The following SPATA31C2 variants were observed in gnomAD, a reference collection of about 807,000 sequenced individuals.
SPATA31C2 encodes the protein SPATA31 subfamily C member 2.
A neutral mutation model predicts 11.4 loss-of-function variants in SPATA31C2; 5 were observed. The ratio of observed to expected loss-of-function variants is 0.44; its 90% CI spans 0.23 to 0.92. The LOEUF is 0.92. Among genes scored for constraint, SPATA31C2 ranks in the 40% least tolerant of loss-of-function variants. The pLI is 0.24. For synonymous variants in SPATA31C2, 515 were observed against 538.7 expected (o/e 0.96, Z 0.61); for missense variants, 1,353 against 1,368.6 (o/e 0.99, Z 0.18).
At position 88,131,810 on chromosome 9, in the gene SPATA31C2, C is replaced by G; in HGVS notation, c.1227G>C (p.Gly409=). ...RPLLKKQLEG[G]LALPSRVQKS... is the part of the protein sequence containing the mutation. ...TTTGGACCCTAGAGGGTAAAGCCAA[C>G]CCACCTTCTAGTTGTTTCTTCAACA... Residue 409 remains glycine (G), a synonymous_variant, in exon 4 of 4, where the codon GGG becomes GGC. Transcript: ENST00000324915. 5.6e-6 allele frequency: 9 copies of G among 1,611,612 alleles called. No homozygotes were observed. The highest frequency in any genetic ancestry group is 7.6e-6 in the Non-Finnish European group (9 of 1,179,604).
At chr9:88,134,173 GCA>G (rs1204586769) in intron 1 of SPATA31C2, among the ~76,000 whole-genome samples, 2 of 146,394 alleles carry the variant, frequency 1.4e-5, no homozygotes, top group African/African-American at 5.0e-5. Flanking sequence ...AAACACACAC[GCA>G]CACACACAGG....
chr9:88,133,168 G>C (rs1190308319), intron 2 of SPATA31C2, 142 bp from the exon 3 acceptor site: 1 of 633,934 alleles, frequency 1.6e-6, no homozygotes, highest in Non-Finnish European at 2.2e-6. Context: ...TGGCCCCGAC[G>C]GTAATAGCAA....
chr9:88,132,575 A>G lies in SPATA31C2; in HGVS notation c.462T>C (p.Ile154=), dbSNP rs1825619419. The part of the protein sequence containing the change: ...SHEPTEDAAP[I]VSPLASPDPR... Reference sequence around the variant, plus strand: ...GATCCGGGGAAGCTAACGGGGAGACAATGGGAGCAGCGTCTTCCGTAGGCT... The same window carrying G: ...GATCCGGGGAAGCTAACGGGGAGACGATGGGAGCAGCGTCTTCCGTAGGCT... The change falls in exon 4 of 4, where the codon ATT becomes ATC. Residue 154 remains isoleucine, a synonymous_variant. Coordinates refer to ENST00000324915, the MANE Select transcript of SPATA31C2 (RefSeq NM_001350978.3). The G allele has an allele frequency of 2.5e-6, 4 of 1,610,388 alleles. No homozygotes were observed. Among genetic ancestry groups the G allele is most frequent in the Non-Finnish European group, 3.4e-6 (4 of 1,177,740 alleles).
rs1368688254 is a variant in SPATA31C2 at position 88,131,244 on chromosome 9, C to T, written c.1793G>A (p.Arg598Gln). ...NEGLIPVSVRRSWLAVNQAFP... is the reference protein window; with the variant it reads ...NEGLIPVSVRQSWLAVNQAFP... ...AGCCTGGTTGACAGCAAGCCAGGAT[C>T]GACGCACACTCACGGGGATCAAGCC... is the stretch of plus-strand genomic sequence containing the variant. The change falls in exon 4 of 4, where the codon CGA becomes CAA. Residue 598 changes from arginine to glutamine, a missense_variant. Physicochemically the swap from Arg to Gln is conservative, Grantham distance 43. Around this residue, in one of 6 missense-constraint regions of SPATA31C2, gnomAD observed 1,075 missense variants for 992.8 expected, o/e 1.08. Coordinates refer to ENST00000324915, the MANE Select transcript of SPATA31C2 (RefSeq NM_001350978.3). The T allele has an allele frequency of 3.7e-6, 6 of 1,611,726 alleles. No individual in the cohort carries two copies. The highest frequency in any genetic ancestry group is 2.7e-5 in the African/African-American group (2 of 74,860).
chr9:88,131,865 A>T lies in SPATA31C2; in HGVS notation c.1172T>A (p.Leu391Gln). ...ASQNKVQALS[L>Q]PETQHPERPL... ...CCTTTCAGGGTGCTGAGTTTCAGGT[A>T]GGGAGAGAGCTTGCACTTTATTCTG... Residue 391 changes from leucine to glutamine, a missense_variant, in exon 4 of 4, where the codon CTA (leucine) becomes CAA (glutamine). By Grantham distance (113) the Leu-to-Gln change is moderately radical (BLOSUM62 -2). This residue lies in a region of SPATA31C2 where 1,075 missense variants were observed against 992.8 expected (regional missense o/e 1.08). Transcript: ENST00000324915. 4 of 1,610,958 alleles carry T rather than the reference A, an allele frequency of 2.5e-6. No individual in the cohort carries two copies. The highest frequency in any genetic ancestry group is 3.4e-6 in the Non-Finnish European group (4 of 1,179,092).
chr9:88,133,710 C>T lies in SPATA31C2; in HGVS notation c.190-41G>A, dbSNP rs1296636707. 73 of 1,523,936 alleles carry T rather than the reference C, an allele frequency of 4.8e-5. 1 individual carries two copies. Among genetic ancestry groups the T allele is most frequent in the Non-Finnish European group, 6.4e-5 (72 of 1,119,730 alleles). 94.4% of individuals were successfully genotyped at this position (1,523,936 alleles called of 1,614,324 possible). On this transcript the variant is annotated intron_variant, in intron 1 of 3. Transcript: ENST00000324915. The stretch of plus-strand genomic sequence containing the variant: ...TGGCGAGGAGCTAGGACCGGCTCTC[C>T]CTCTCTGCCCCCAGCCCAGCCGCAG...
At position 88,130,980 on chromosome 9, in the gene SPATA31C2, G is replaced by C. The variant is rs1201376759; in HGVS notation, c.2057C>G (p.Ala686Gly). 5.0e-6 allele frequency: 8 copies of C among 1,612,696 alleles called. No individual in the cohort carries two copies. Among genetic ancestry groups the C allele is most frequent in the Non-Finnish European group, 6.8e-6 (8 of 1,179,880 alleles). Residue 686 changes from alanine to glycine, a missense_variant, in exon 4 of 4, where the codon GCT (alanine) becomes GGT (glycine). Physicochemically the swap from Ala to Gly is moderately conservative, Grantham distance 60 (BLOSUM62 0). This residue lies in a region of SPATA31C2 where 1,075 missense variants were observed against 992.8 expected (regional missense o/e 1.08). Coordinates refer to ENST00000324915, the MANE Select transcript of SPATA31C2 (RefSeq NM_001350978.3). ...TTCGCAGGTGTCTGAGGAGGGACCA[G>C]CAAGCTGTATAAGGGACAAGGATGA... ...KVSSLSLIQL[A>G]GPSSDTCESG...
In SPATA31C2 at chr9:88,132,032, G is replaced by A. The variant is rs750208713; in HGVS notation, c.1005C>T (p.Pro335=). Residue 335 remains proline (P), a synonymous_variant, in exon 4 of 4, where the codon CCC becomes CCT. Coordinates refer to ENST00000324915, the MANE Select transcript of SPATA31C2 (RefSeq NM_001350978.3). ...AGAATTGGGGTGTGGATGAAATAAA[G>A]GGTTGGGACTCAGGCTCCAGATGGG... ...PLSHLEPESQ[P]FISSTPQFWP... is the part of the protein sequence containing the mutation. 1.2e-6 allele frequency: 2 copies of A among 1,610,842 alleles called. No individual in the cohort carries two copies. The highest frequency in any genetic ancestry group is 1.7e-5 in the Admixed American group (1 of 59,820).
At chr9:88,137,321 T>C (rs1825694487) in intron 1 of SPATA31C2, among the ~76,000 whole-genome samples, 1 of 138,354 alleles carries the variant, frequency 7.2e-6, no homozygotes, top group African/African-American at 2.7e-5. Context: ...ACCTCATGTC[T>C]TTATTAAAAA....
In SPATA31C2 at chr9:88,130,734, C is replaced by T. The variant is rs755917934; in HGVS notation, c.2303G>A (p.Trp768Ter). The change falls in exon 4 of 4, where the codon TGG (tryptophan) becomes TAG (stop). Residue 768 changes from tryptophan to a stop codon, truncating the protein, a stop_gained. Transcript: ENST00000324915. LOFTEE classifies it low-confidence loss of function (END_TRUNC). ...KAPTAGQEGRWPSKPLTYSLT... is the reference protein window; with the variant it reads ...KAPTAGQEGR Reference sequence around the variant, plus strand: ...GCTGTATGTGAGGGGCTTAGATGGCCACCTGCCCTCCTGTCCAGCTGTAGG... The same window carrying T: ...GCTGTATGTGAGGGGCTTAGATGGCTACCTGCCCTCCTGTCCAGCTGTAGG... 6.8e-6 allele frequency: 11 copies of T among 1,613,486 alleles called. No homozygotes were observed. Among genetic ancestry groups the T allele is most frequent in the African/African-American group, 1.3e-5 (1 of 74,918 alleles).
In SPATA31C2 at chr9:88,132,920, G is replaced by A. The variant is rs749635156; in HGVS notation, c.326+46C>T. ...AGGCTGCCTGTGGCCCTGGGGTCAC[G>A]TCCCAGCCCTGGTAGGAAGGACGCA... is the stretch of plus-strand genomic sequence containing the variant. On this transcript the variant is annotated intron_variant, in intron 3 of 3. Transcript: ENST00000324915. 12 of 1,340,488 alleles carry A rather than the reference G, an allele frequency of 9.0e-6. 3 individuals carry two copies. Among genetic ancestry groups the A allele is most frequent in the Admixed American group, 4.9e-5 (2 of 41,090 alleles). The allele number at this position is 1,340,488 out of a possible 1,614,324, so 83.0% of individuals were successfully genotyped here.
rs751911384 is a variant in SPATA31C2, at chr9:88,132,343, G to C, written c.694C>G (p.Pro232Ala). 6 of 1,610,928 alleles carry C rather than the reference G, an allele frequency of 3.7e-6. No homozygotes were observed. In the African/African-American group the frequency reaches 6.7e-5, roughly 18 times the overall value. Reference sequence around the variant, plus strand: ...AGAGTGGAGTCCCGCAGGGGAGGAGGAGTGAAGCCTTTCGGAGGAGGCGGA... The same window carrying C: ...AGAGTGGAGTCCCGCAGGGGAGGAGCAGTGAAGCCTTTCGGAGGAGGCGGA... The part of the protein sequence containing the change: ...CSPPPPKGFT[P>A]PPLRDSTLLT... Residue 232 changes from proline (P) to alanine (A), a missense_variant, in exon 4 of 4, where the codon CCT (proline) becomes GCT (alanine). Physicochemically the swap from Pro to Ala is conservative, Grantham distance 27 (BLOSUM62 -1). This residue lies in a region of SPATA31C2 where 1,075 missense variants were observed against 992.8 expected (regional missense o/e 1.08). Transcript: ENST00000324915.
chr9:88,132,222 C>T lies in SPATA31C2; in HGVS notation c.815G>A (p.Gly272Asp). The change falls in exon 4 of 4, where the codon GGC (glycine) becomes GAC (aspartate). Residue 272 changes from glycine to aspartate, a missense_variant. Physicochemically the swap from Gly to Asp is moderately conservative, Grantham distance 94. Transcript: ENST00000324915. Reference sequence around the variant, plus strand: ...GTTTGAGCCGCCAAGGCCTGAGATGCCTGGGACAGAAGCCGCCAAATCCTC... The same window carrying T: ...GTTTGAGCCGCCAAGGCCTGAGATGTCTGGGACAGAAGCCGCCAAATCCTC... ...PREDLAASVP[G>D]ISGLGGSNSQ... is the part of the protein sequence containing the mutation. 2 of 1,610,002 alleles carry T rather than the reference C, an allele frequency of 1.2e-6. No individual in the cohort carries two copies. Among genetic ancestry groups the T allele is most frequent in the Non-Finnish European group, 1.7e-6 (2 of 1,177,582 alleles).
rs763655066 is a variant in SPATA31C2, at chr9:88,129,707, A to G, written c.3330T>C (p.Tyr1110=). 2 of 1,603,488 alleles carry G rather than the reference A, an allele frequency of 1.2e-6. No individual in the cohort carries two copies. Among genetic ancestry groups the G allele is most frequent in the East Asian group, 2.2e-5 (1 of 44,512 alleles). The part of the protein sequence containing the change: ...FYSEHSRMLS[Y]AASSQQATLK... The stretch of plus-strand genomic sequence containing the variant: ...GAGTGGCTTGTTGACTGCTGGCTGC[A>G]TAGCTCAGCATTCTGCTGTGTTCTG... Residue 1110 remains tyrosine, a synonymous_variant, in exon 4 of 4, where the codon TAT becomes TAC. Transcript: ENST00000324915.
rs1563964873 is a variant in SPATA31C2 at position 88,137,989 on chromosome 9, G to GAGACCTCCCCCGTC, written c.189+268_189+269insGACGGGGGAGGTCT. On this transcript the variant is annotated intron_variant, in intron 1 of 3. Coordinates refer to ENST00000324915, the MANE Select transcript of SPATA31C2 (RefSeq NM_001350978.3). ...AGAGACCTCCCCCGTCTCATGACCG[G>GAGACCTCCCCCGTC]TCCTGGCCGCTGAGCCCACGGGTTT... 2.4e-4 allele frequency among the ~76,000 whole-genome samples: 26 copies of GAGACCTCCCCCGTC among 107,972 alleles called. No homozygotes were observed. In the East Asian group the frequency reaches 6.0e-3, roughly 25 times the overall value. The allele number at this position is 107,972 out of a possible 152,430, so 70.8% of individuals were successfully genotyped here.
Position 88,131,378 on chromosome 9 carries a change from C to T in SPATA31C2, c.1659G>A (p.Lys553=), listed in dbSNP as rs1471076893. The T allele has an allele frequency of 1.9e-6, 3 of 1,611,888 alleles. No individual in the cohort carries two copies. The African/African-American group carries it at 4.0e-5, about 22-fold the overall frequency. Residue 553 remains lysine (K), a synonymous_variant, in exon 4 of 4, where the codon AAG becomes AAA. Coordinates refer to ENST00000324915, the MANE Select transcript of SPATA31C2 (RefSeq NM_001350978.3). ...TSEESERNLR[K]PLRSDSGSDL... is the part of the protein sequence containing the mutation. ...CACTTCCTGAGTCACTCCTCAAGGG[C>T]TTCCTCAGGTTCCTTTCCGACTCCT...
chr9:88,132,363 G>A lies in SPATA31C2; in HGVS notation c.674C>T (p.Pro225Leu), dbSNP rs367754063. Residue 225 changes from proline to leucine, a missense_variant, in exon 4 of 4, where the codon CCT becomes CTT. This residue lies in a region of SPATA31C2 where 1,075 missense variants were observed against 992.8 expected (regional missense o/e 1.08). Coordinates refer to ENST00000324915, the MANE Select transcript of SPATA31C2 (RefSeq NM_001350978.3). ...AGGAGGAGTGAAGCCTTTCGGAGGA[G>A]GCGGAGAGCAGGCCAGAGGATCAGG... ...RTPDPLACSP[P>L]PPKGFTPPPL... The A allele has an allele frequency of 6.2e-7, 1 of 1,611,148 alleles. No individual in the cohort carries two copies. Among genetic ancestry groups the A allele is most frequent in the Non-Finnish European group, 8.5e-7 (1 of 1,178,066 alleles).
chr9:88,131,685 C>T lies in SPATA31C2; in HGVS notation c.1352G>A (p.Arg451Lys), dbSNP rs1825598078. The T allele has an allele frequency of 1.2e-6, 2 of 1,612,028 alleles. No homozygotes were observed. The highest frequency in any genetic ancestry group is 1.7e-6 in the Non-Finnish European group (2 of 1,179,870). ...ENFPVSPELW[R>K]QLEQHMGQRG... ...TTGCCCCATGTGTTGCTCCAGTTGT[C>T]TCCAGAGTTCAGGACTGACTGGAAA... is the stretch of plus-strand genomic sequence containing the variant. Residue 451 changes from arginine to lysine, a missense_variant, in exon 4 of 4, where the codon AGA (arginine) becomes AAA (lysine). Arg to Lys is a conservative substitution (Grantham distance 26). Around this residue, in one of 6 missense-constraint regions of SPATA31C2, gnomAD observed 1,075 missense variants for 992.8 expected, o/e 1.08. Transcript: ENST00000324915.
At chr9:88,136,593 G>C (rs528184672) in intron 1 of SPATA31C2, among the ~76,000 whole-genome samples, 1 of 145,074 alleles carries the variant, frequency 6.9e-6, no homozygotes, top group East Asian at 2.0e-4. Context: ...TGCTTTTCTG[G>C]TTCATGTCTA....
Sources: allele counts gnomAD v4.1 joint callset (sites outside exome capture counted in the v4.1 genomes callset), GRCh38; gene constraint gnomAD v4.1.1; regional missense constraint gnomAD v4.1.1; transcripts MANE v1.5; gene names NCBI Gene and HGNC (gene_info 2026-07-23, HGNC 2026-07-21).